ANKRD33B: variants seen among roughly 807,000 people sequenced by gnomAD.
ANKRD33B encodes ankyrin repeat domain 33B, also known as ankyrin repeat domain-containing protein 33B.
ANKRD33B carries 6 observed loss-of-function variants against 21.5 expected under a neutral mutation model. The ratio of observed to expected loss-of-function variants is 0.28; its 90% CI spans 0.15 to 0.55. The LOEUF is 0.55. Ranked by LOEUF, ANKRD33B falls within the 20% of genes least tolerant of loss-of-function variation. The pLI is 0.94. For synonymous variants in ANKRD33B, 347 were observed against 342.4 expected, an observed-to-expected ratio of 1.01 and a Z score of -0.15; for missense variants, 698 against 747.2, an observed-to-expected ratio of 0.93 and a Z score of 0.77.
Position 10,619,321 on chromosome 5 carries a change from G to C in ANKRD33B, c.496+859G>C, listed in dbSNP as rs79471647. Reference sequence around the variant, plus strand: ...GGAGGGGAAGCTTACACGGTTGTCGGGTTGTTGAGAATCCCACTCAGGGCC... The same window carrying C: ...GGAGGGGAAGCTTACACGGTTGTCGCGTTGTTGAGAATCCCACTCAGGGCC... On this transcript the variant is annotated intron_variant, in intron 2 of 3. Coordinates refer to ENST00000296657, the MANE Select transcript of ANKRD33B (RefSeq NM_001164440.2). The surrounding 1 kb of genome is among the most constrained non-coding windows in gnomAD (Gnocchi z 4.5). 2,344 of 985,416 alleles carry C rather than the reference G, an allele frequency of 2.4e-3. 45 individuals carry two copies. In the African/African-American group the frequency reaches 0.039, roughly 16 times the overall value. The allele number at this position is 985,416 out of a possible 1,614,324, so 61.0% of individuals were successfully genotyped here. A position where few individuals can be genotyped will look rare whatever the true frequency, so the allele number is the denominator to read the frequency against.
At position 10,619,752 on chromosome 5, in the gene ANKRD33B, C is replaced by G. The variant is rs1347676480; in HGVS notation, c.496+1290C>G. 6.6e-6 allele frequency among the ~76,000 whole-genome samples: 1 copy of G among 152,170 alleles called. No individual in the cohort carries two copies. Among genetic ancestry groups the G allele is most frequent in the Non-Finnish European group, 1.5e-5 (1 of 68,036 alleles). Reference sequence around the variant, plus strand: ...TGTAAGGCATTCAGTGATTCGTTTCCTCTCGTGGGCCAGCTGCCATGTCAG... The same window carrying G: ...TGTAAGGCATTCAGTGATTCGTTTCGTCTCGTGGGCCAGCTGCCATGTCAG... On this transcript the variant is annotated intron_variant, in intron 2 of 3. Transcript: ENST00000296657. This position sits in a 1 kb window ranked among gnomAD's most constrained non-coding sequence, Gnocchi z 4.5.
chr5:10,574,740 TAAAAC>T (rs1325494473), intron 1 of ANKRD33B, among the ~76,000 whole-genome samples: 2 of 152,052 alleles, frequency 1.3e-5, no homozygotes, highest in African/African-American at 2.4e-5. Flanking sequence ...ATAGCACAGT[TAAAAC>T]AAAGATTAAA....
chr5:10,614,034 T>TATATG (rs1736232250), intron 1 of ANKRD33B, among the ~76,000 whole-genome samples: 1 of 149,676 alleles, frequency 6.7e-6, no homozygotes, highest in Admixed American at 6.7e-5. Flanking sequence ...TGTATAAACA[T>TATATG]ATATGTAGAG....
intron 1 of ANKRD33B, among the ~76,000 whole-genome samples, chr5:10,586,511 GTGTGTGTGTGTGTGTGTGTGTGTA>G (rs1371296340): frequency 2.1e-4 from 30 of 144,308 alleles, no homozygotes; most frequent in African/African-American, 7.3e-4. Context: ...GTGTGTGTGT[GTGTGTGTGTGTGTGTGTGTGTGTA>G]TACTGCTTTC....
intron 2 of ANKRD33B, among the ~76,000 whole-genome samples, chr5:10,634,459 TTTTTTC>T (rs1048546745): frequency 2.0e-5 from 3 of 148,672 alleles, no homozygotes; most frequent in African/African-American, 7.4e-5. Flanking sequence ...CAAACTAGAT[TTTTTTC>T]TTTTTTTTTT....
chr5:10,590,406 T>C (rs1735655513), intron 1 of ANKRD33B, among the ~76,000 whole-genome samples: 1 of 152,194 alleles, frequency 6.6e-6, no homozygotes, highest in Non-Finnish European at 1.5e-5. Context: ...CTTTCTGGCC[T>C]GTCTTGTAGG....
chr5:10,607,583 G>A (rs1479829286), intron 1 of ANKRD33B, among the ~76,000 whole-genome samples: 1 of 152,250 alleles, frequency 6.6e-6, no homozygotes, highest in Admixed American at 6.5e-5. Context: ...CAGTGCAACT[G>A]AATTGTCCTG....
intron 3 of ANKRD33B, among the ~76,000 whole-genome samples, chr5:10,642,996 C>T (rs1737100305): frequency 6.6e-6 from 1 of 152,122 alleles, no homozygotes; most frequent in South Asian, 2.1e-4. Flanking sequence ...TCTCTGCCTC[C>T]TGGGTTCAAG....
intron 3 of ANKRD33B, among the ~76,000 whole-genome samples, chr5:10,648,798 C>T (rs1042777862): frequency 2.6e-5 from 4 of 151,844 alleles, no homozygotes; most frequent in East Asian, 3.9e-4. Flanking sequence ...TGAATTCAGG[C>T]GGGGTTTTAT....
At chr5:10,622,497 C>A (rs1249798734) in intron 2 of ANKRD33B, among the ~76,000 whole-genome samples, 1 of 152,188 alleles carries the variant, frequency 6.6e-6, no homozygotes, top group Non-Finnish European at 1.5e-5. Context: ...ATTTTTTTAA[C>A]TTTATGCAGT....
chr5:10,593,616 A>C (rs899417176), intron 1 of ANKRD33B, among the ~76,000 whole-genome samples: 1 of 151,786 alleles, frequency 6.6e-6, no homozygotes, highest in Non-Finnish European at 1.5e-5. Context: ...CTCCAACCCT[A>C]GCTCACCTCC....
intron 1 of ANKRD33B, among the ~76,000 whole-genome samples, chr5:10,613,960 C>T (rs1736228071): frequency 6.7e-6 from 1 of 149,332 alleles, no homozygotes; most frequent in African/African-American, 2.5e-5. Flanking sequence ...CCCCACCAAC[C>T]CTGGATTAGT....
chr5:10,571,146 A>G (rs1735178632), intron 1 of ANKRD33B, among the ~76,000 whole-genome samples: 2 of 152,112 alleles, frequency 1.3e-5, no homozygotes, highest in Admixed American at 1.3e-4. Context: ...TGTGAAATGG[A>G]GAGAGGGCTC....
chr5:10,614,799 A>G (rs1482956773), intron 1 of ANKRD33B, among the ~76,000 whole-genome samples: 1 of 152,228 alleles, frequency 6.6e-6, no homozygotes, highest in Non-Finnish European at 1.5e-5. Context: ...AGGCAGGAGA[A>G]TTGCTTGAAC....
At chr5:10,635,499 G>A (rs1032529514) in intron 2 of ANKRD33B, among the ~76,000 whole-genome samples, 1 of 152,230 alleles carries the variant, frequency 6.6e-6, no homozygotes, top group Non-Finnish European at 1.5e-5. Context: ...GTCACGCAGC[G>A]AGGGGATCGT....
chr5:10,639,070 C>G (rs1349438245), intron 3 of ANKRD33B, among the ~76,000 whole-genome samples: 35 of 52,762 alleles, frequency 6.6e-4, no homozygotes, highest in East Asian at 2.2e-3. Context: ...GCGATGTTAG[C>G]GGGTGACGCG....
chr5:10,643,151 C>A (rs571948582), intron 3 of ANKRD33B, among the ~76,000 whole-genome samples: 2 of 152,194 alleles, frequency 1.3e-5, no homozygotes, highest in Admixed American at 6.5e-5. Flanking sequence ...GATCTGCATG[C>A]CTCGTCCTCC....
At chr5:10,618,238 C>T (rs1736330199) in intron 1 of ANKRD33B, 95 bp from the exon 2 acceptor site, 1 of 1,487,590 alleles carries the variant, frequency 6.7e-7, no homozygotes. Flanking sequence ...TTGTCCAGCC[C>T]CCTGGAGGGT....
chr5:10,602,616 T>C (rs973959004), intron 1 of ANKRD33B, among the ~76,000 whole-genome samples: 30 of 152,202 alleles, frequency 2.0e-4, no homozygotes, highest in Non-Finnish European at 3.5e-4. Context: ...AGCAGCTGGC[T>C]GGGAGCCTCC....
Sources: gnomAD v4.1 joint callset for allele counts (sites outside exome capture counted in the v4.1 genomes callset) on GRCh38, gnomAD v4.1.1 for gene constraint, Gnocchi (gnomAD v3.1) non-coding constraint, MANE v1.5 for transcripts, NCBI Gene and HGNC (gene_info 2026-07-23, HGNC 2026-07-21) for gene names.